FIP1L1: variants seen among roughly 807,000 people sequenced by gnomAD.
FIP1L1 encodes factor interacting with PAPOLA and CPSF1, also known as pre-mRNA 3'-end-processing factor FIP1.
A neutral mutation model predicts 84.6 loss-of-function variants in FIP1L1; 21 were observed. The ratio of observed to expected loss-of-function variants is 0.25; its 90% confidence interval spans 0.18 to 0.36. The LOEUF (loss-of-function observed/expected upper bound fraction) is 0.36, where lower values mean the gene tolerates loss of function less well. Among genes scored for constraint, FIP1L1 ranks in the 10% least tolerant of loss-of-function variants. FIP1L1 has a pLI of 1.00. For synonymous variants in FIP1L1, 263 were observed against 242.3 expected (o/e 1.09, Z -0.80); for missense variants, 526 against 751.1 (o/e 0.70, Z 3.50).
rs1721425091 is a variant in FIP1L1, at chr4:53,459,716, A to G, written c.*267A>G. 1 of 471,468 alleles carries G rather than the reference A, an allele frequency of 2.1e-6. No individual in the cohort carries two copies. The highest frequency in any genetic ancestry group is 3.8e-6 in the Non-Finnish European group (1 of 260,004). 29.2% of individuals were successfully genotyped at this position (471,468 alleles called of 1,614,324 possible). ...GAGTCACTTAACAGGGAATCTAAAG[A>G]GCTGTGTTAGCTGTGTACATACACA... On this transcript the variant is annotated 3_prime_UTR_variant, in exon 18 of 18. Coordinates refer to ENST00000337488, the MANE Select transcript of FIP1L1 (RefSeq NM_030917.4).
In FIP1L1 at chr4:53,389,066, A is replaced by G. The variant is rs906416096; in HGVS notation, c.333-743A>G. On this transcript the variant is annotated intron_variant, in intron 5 of 17. Transcript: ENST00000337488. ...CAGCCAGATCAAGATATGAAACATA[A>G]TTGGCATCCTAGAAGTTTCTCTCAT... 2.6e-5 allele frequency among the ~76,000 whole-genome samples: 4 copies of G among 152,342 alleles called. No homozygotes were observed. The South Asian group carries it at 8.3e-4, about 32-fold the overall frequency.
At chr4:53,389,927 A>G in intron 6 of FIP1L1, 54 bp downstream of exon 6, 1 of 1,330,064 alleles carries the variant, frequency 7.5e-7, no homozygotes, top group Non-Finnish European at 1.1e-6. Flanking sequence ...CATATCTTAA[A>G]TAGGTCTTAA....
intron 4 of FIP1L1, among the ~76,000 whole-genome samples, chr4:53,383,154 A>G (rs913592825): frequency 7.9e-5 from 12 of 152,042 alleles, no homozygotes; most frequent in African/African-American, 2.9e-4. Context: ...TCTTGTAGGT[A>G]TCTTAGTAAG....
At chr4:53,457,140 G>A (rs1255587096) in intron 16 of FIP1L1, among the ~76,000 whole-genome samples, 1 of 152,096 alleles carries the variant, frequency 6.6e-6, no homozygotes, top group Non-Finnish European at 1.5e-5. Context: ...TATAAATGTT[G>A]TCAGTTCTGT....
intron 13 of FIP1L1, among the ~76,000 whole-genome samples, chr4:53,439,150 A>C (rs1560568937): frequency 1.3e-5 from 2 of 152,122 alleles, no homozygotes; most frequent in Non-Finnish European, 2.9e-5. Flanking sequence ...TGCCTTCCTT[A>C]CTTTTCTCAT....
intron 15 of FIP1L1, among the ~76,000 whole-genome samples, chr4:53,445,385 C>G (rs1773757260): frequency 6.6e-6 from 1 of 152,054 alleles, no homozygotes; most frequent in Admixed American, 6.6e-5. Flanking sequence ...CCTACTCTTC[C>G]TAGTTCTTAG....
chr4:53,404,804 T>G (rs1338113897), intron 10 of FIP1L1, among the ~76,000 whole-genome samples: 1 of 152,150 alleles, frequency 6.6e-6, no homozygotes, highest in Non-Finnish European at 1.5e-5. Flanking sequence ...GCTGCATAAA[T>G]GTCTTCTTTT....
chr4:53,380,625 A>G (rs1737343558), intron 3 of FIP1L1, among the ~76,000 whole-genome samples: 1 of 152,216 alleles, frequency 6.6e-6, no homozygotes, highest in Non-Finnish European at 1.5e-5. Context: ...ATAGCTTAGG[A>G]GGAGCTGAAA....
chr4:53,451,306 T>G (rs1168933530), intron 15 of FIP1L1, among the ~76,000 whole-genome samples: 5 of 151,684 alleles, frequency 3.3e-5, no homozygotes, highest in Non-Finnish European at 7.4e-5. Flanking sequence ...GGTTGTTTTT[T>G]TTTTTTCCTC....
intron 15 of FIP1L1, among the ~76,000 whole-genome samples, chr4:53,450,270 T>G (rs1775851258): frequency 6.6e-6 from 1 of 152,228 alleles, no homozygotes; most frequent in Non-Finnish European, 1.5e-5. Flanking sequence ...GATTTAAATT[T>G]ATGATGTTTT....
At position 53,452,846 on chromosome 4, in the gene FIP1L1, T is replaced by C. The variant is rs1716905206; in HGVS notation, c.1286-74T>C. On this transcript the variant is annotated intron_variant, in intron 15 of 17. Transcript: ENST00000337488. The stretch of plus-strand genomic sequence containing the variant: ...AAAATGAATTTCTATTATAATCTCA[T>C]GACACATTTTTGGTGGGCATTTTGT... 2.8e-6 allele frequency: 3 copies of C among 1,055,554 alleles called. No homozygotes were observed. In the East Asian group the frequency reaches 7.1e-5, roughly 25 times the overall value. The allele number at this position is 1,055,554 out of a possible 1,614,324, so 65.4% of individuals were successfully genotyped here. A position where few individuals can be genotyped will look rare whatever the true frequency, so the allele number is the denominator to read the frequency against.
chr4:53,425,246 T>C (rs1353857416), intron 11 of FIP1L1, among the ~76,000 whole-genome samples: 1 of 152,122 alleles, frequency 6.6e-6, no homozygotes, highest in Non-Finnish European at 1.5e-5. Context: ...TCTCTTAAAT[T>C]TATAGCATTG....
intron 10 of FIP1L1, among the ~76,000 whole-genome samples, chr4:53,408,972 T>G (rs532888311): frequency 5.9e-5 from 9 of 152,232 alleles, no homozygotes; most frequent in Admixed American, 5.9e-4. Context: ...AGTTTGATCG[T>G]CTGAAGCTTT....
chr4:53,381,753 C>CTTTTTTTTTTTTGTTT (rs1738074207), intron 3 of FIP1L1, among the ~76,000 whole-genome samples: 1 of 87,948 alleles, frequency 1.1e-5, no homozygotes, highest in Non-Finnish European at 2.0e-5. Flanking sequence ...CATTTGCATT[C>CTTTTTTTTTTTTGTTT]TTTTTTTTTT....
intron 10 of FIP1L1, among the ~76,000 whole-genome samples, chr4:53,407,222 T>C (rs563030004): frequency 2.6e-5 from 4 of 152,328 alleles, no homozygotes; most frequent in Admixed American, 6.5e-5. Context: ...TTTGTTCTCG[T>C]TGGTTTCAAA....
intron 13 of FIP1L1, among the ~76,000 whole-genome samples, chr4:53,429,545 A>G (rs1765671630): frequency 6.6e-6 from 1 of 152,126 alleles, no homozygotes; most frequent in African/African-American, 2.4e-5. Flanking sequence ...ATGTTTCAAC[A>G]TATTTGATTA....
intron 10 of FIP1L1, among the ~76,000 whole-genome samples, chr4:53,413,533 T>TC (rs1758112820): frequency 6.6e-6 from 1 of 152,168 alleles, no homozygotes; most frequent in East Asian, 1.9e-4. Context: ...TCCTTTTTTT[T>TC]CCACAATGAG....
At chr4:53,393,674 T>C (rs1468977055) in intron 9 of FIP1L1, among the ~76,000 whole-genome samples, 5 of 150,436 alleles carry the variant, frequency 3.3e-5, no homozygotes, top group African/African-American at 1.2e-4. Flanking sequence ...TGGGAATAGA[T>C]AACATGTATG....
chr4:53,409,434 C>A (rs185698893), intron 10 of FIP1L1, among the ~76,000 whole-genome samples: 1 of 152,164 alleles, frequency 6.6e-6, no homozygotes. Context: ...TTAGACTGCT[C>A]GGGGGTCAAG....
Sources: gnomAD v4.1 joint callset for allele counts (sites outside exome capture counted in the v4.1 genomes callset) on GRCh38, gnomAD v4.1.1 for gene constraint, MANE v1.5 for transcripts, NCBI Gene and HGNC (gene_info 2026-07-23, HGNC 2026-07-21) for gene names.